Variants in NUDCD1 observed in about 807,000 individuals in gnomAD.
NUDCD1 encodes the protein NudC domain containing 1, also known as nudC domain-containing protein 1.
A neutral mutation model predicts 67.8 loss-of-function variants in NUDCD1; 60 were observed. The ratio of observed to expected loss-of-function variants is 0.88; its 90% CI spans 0.72 to 1.10. NUDCD1 has a LOEUF of 1.10. NUDCD1 is among the 50% of genes least tolerant of loss of function. NUDCD1 has a pLI of 0.00. For synonymous variants in NUDCD1, 244 were observed against 230.8 expected (o/e 1.06, Z -0.52); for missense variants, 643 against 695.0 (o/e 0.93, Z 0.84).
At chr8:109,282,164 G>C (rs1814458603) in intron 5 of NUDCD1, among the ~76,000 whole-genome samples, 1 of 152,142 alleles carries the variant, frequency 6.6e-6, no homozygotes, top group Non-Finnish European at 1.5e-5. Context: ...GTCTCGTCCT[G>C]CCCATCTTGG....
At chr8:109,243,622 A>G (rs1365333902) in intron 9 of NUDCD1, among the ~76,000 whole-genome samples, 2 of 152,146 alleles carry the variant, frequency 1.3e-5, no homozygotes, top group African/African-American at 4.8e-5. Flanking sequence ...CACTCAATAC[A>G]TGACAAAATA....
chr8:109,312,164 T>A (rs1815269968), intron 2 of NUDCD1, among the ~76,000 whole-genome samples: 1 of 151,894 alleles, frequency 6.6e-6, no homozygotes, highest in Non-Finnish European at 1.5e-5. Context: ...TAGACAGGTG[T>A]GGTGGCAGGC....
rs538340808 is a variant in NUDCD1 at position 109,307,070 on chromosome 8, C to T, written c.274-10501G>A. ...TGAGCCCAAGTTAAGCCATCATATC[C>T]CCTGTGACCTGCATGTATACATCCA... is the stretch of plus-strand genomic sequence containing the variant. On this transcript the variant is annotated intron_variant, in intron 2 of 9. Coordinates refer to ENST00000239690, the MANE Select transcript of NUDCD1 (RefSeq NM_032869.4). Among the ~76,000 whole-genome samples, 99 of 152,192 alleles carry T rather than the reference C, an allele frequency of 6.5e-4. 1 individual carries two copies. Among genetic ancestry groups the T allele is most frequent in the Middle Eastern group, 3.4e-3 (1 of 294 alleles).
In NUDCD1 at chr8:109,296,355, C is replaced by T. The variant is rs201509832; in HGVS notation, c.459+29G>A. On this transcript the variant is annotated intron_variant, in intron 3 of 9. Transcript: ENST00000239690. ...GTGTAATTTACATATACTTTCTGGA[C>T]TTCGCATAAGTCTTAAACAAACCCT... The T allele has an allele frequency of 8.9e-6, 14 of 1,581,018 alleles. No individual in the cohort carries two copies. In the East Asian group the frequency reaches 2.9e-4, roughly 33 times the overall value.
intron 2 of NUDCD1, among the ~76,000 whole-genome samples, chr8:109,300,369 A>T (rs1304464834): frequency 6.6e-6 from 1 of 152,140 alleles, no homozygotes; most frequent in African/African-American, 2.4e-5. Context: ...AAGAAGTGAA[A>T]GGGGAAATAT....
intron 2 of NUDCD1, among the ~76,000 whole-genome samples, chr8:109,299,147 G>A (rs1269015353): frequency 6.6e-6 from 1 of 152,174 alleles, no homozygotes; most frequent in Middle Eastern, 3.2e-3. Flanking sequence ...GTCCTCACAG[G>A]GGTCCTTCGG....
intron 2 of NUDCD1, among the ~76,000 whole-genome samples, chr8:109,308,920 C>T (rs187298454): frequency 2.7e-5 from 4 of 150,030 alleles, no homozygotes; most frequent in East Asian, 2.0e-4. Context: ...TGCAGTGAGC[C>T]GAGATCGTGC....
intron 2 of NUDCD1, chr8:109,313,724 A>T: frequency 2.1e-6 from 1 of 468,784 alleles, no homozygotes; most frequent in Non-Finnish European, 4.1e-6. Context: ...GAACGTAGAG[A>T]TAAACTTGTT....
chr8:109,331,742 T>A (rs574344330), intron 1 of NUDCD1, among the ~76,000 whole-genome samples: 7 of 152,118 alleles, frequency 4.6e-5, no homozygotes, highest in Non-Finnish European at 7.4e-5. Flanking sequence ...GATAGATGAG[T>A]AAATGATAGT....
At chr8:109,299,804 A>T (rs968381928) in intron 2 of NUDCD1, among the ~76,000 whole-genome samples, 1 of 152,124 alleles carries the variant, frequency 6.6e-6, no homozygotes, top group African/African-American at 2.4e-5. Flanking sequence ...CCAGCACAAA[A>T]ATAGCGCATT....
intron 3 of NUDCD1, 76 bp downstream of exon 3, chr8:109,296,308 G>A: frequency 8.7e-7 from 1 of 1,149,728 alleles, no homozygotes; most frequent in Admixed American, 2.0e-5. Flanking sequence ...TCCTTGAAAA[G>A]TGTCATTTTA....
rs193194781 is a variant in NUDCD1 at position 109,287,688 on chromosome 8, C to T, written c.823+2063G>A. 1.3e-3 allele frequency among the ~76,000 whole-genome samples: 193 copies of T among 152,176 alleles called. 1 individual carries two copies. Among genetic ancestry groups the T allele is most frequent in the African/African-American group, 4.5e-3 (186 of 41,532 alleles). Reference sequence around the variant, plus strand: ...TAACTGTTGGGTGCTATGCTCAGTACCTGGGTGACAGGATCATTCGTACTC... The same window carrying T: ...TAACTGTTGGGTGCTATGCTCAGTATCTGGGTGACAGGATCATTCGTACTC... On this transcript the variant is annotated intron_variant, in intron 5 of 9. Transcript: ENST00000239690.
At position 109,276,162 on chromosome 8, in the gene NUDCD1, T is replaced by C. The variant is rs567595043; in HGVS notation, c.1029-666A>G. Among the ~76,000 whole-genome samples the C allele has an allele frequency of 6.7e-4, 102 of 152,324 alleles. 1 individual carries two copies. The highest frequency in any genetic ancestry group is 3.4e-3 in the Middle Eastern group (1 of 294). On this transcript the variant is annotated intron_variant, in intron 6 of 9. Transcript: ENST00000239690. ...ATGTAAACAACTAAACAATTCCAGA[T>C]GCACTTAAAATGGTCTGTCAGGGAA... is the stretch of plus-strand genomic sequence containing the variant.
chr8:109,322,518 C>G (rs1815566868), intron 1 of NUDCD1, 55 bp from the exon 2 acceptor site: 2 of 1,431,960 alleles, frequency 1.4e-6, no homozygotes, highest in Non-Finnish European at 9.6e-7. Context: ...CAGATAGTTT[C>G]TATCTGTAGA....
chr8:109,323,132 G>A (rs1815581512), intron 1 of NUDCD1, among the ~76,000 whole-genome samples: 3 of 152,118 alleles, frequency 2.0e-5, no homozygotes, highest in Admixed American at 2.0e-4. Context: ...GCCCTTTCAT[G>A]AAGATGGAAA....
chr8:109,320,183 G>T (rs551880572), intron 2 of NUDCD1, among the ~76,000 whole-genome samples: 1 of 152,290 alleles, frequency 6.6e-6, no homozygotes, highest in South Asian at 2.1e-4. Flanking sequence ...AGGGTTTTGA[G>T]ATCAACCGGT....
chr8:109,326,876 C>T (rs2130147139), intron 1 of NUDCD1, among the ~76,000 whole-genome samples: 1 of 152,186 alleles, frequency 6.6e-6, no homozygotes, highest in East Asian at 1.9e-4. Flanking sequence ...AGACCTGTCT[C>T]CTGCACTAAT....
chr8:109,289,241 C>T (rs968159918), intron 5 of NUDCD1, among the ~76,000 whole-genome samples: 1 of 152,066 alleles, frequency 6.6e-6, no homozygotes, highest in South Asian at 2.1e-4. Context: ...TCCCAAAGTG[C>T]TGGGATTACA....
intron 2 of NUDCD1, among the ~76,000 whole-genome samples, chr8:109,320,190 C>G (rs571756514): frequency 6.6e-6 from 1 of 152,110 alleles, no homozygotes; most frequent in Non-Finnish European, 1.5e-5. Flanking sequence ...TGAGATCAAC[C>G]GGTCTGACCA....
Sources: gnomAD v4.1 joint callset for allele counts (sites outside exome capture counted in the v4.1 genomes callset) on GRCh38, gnomAD v4.1.1 for gene constraint, MANE v1.5 for transcripts, NCBI Gene and HGNC (gene_info 2026-07-23, HGNC 2026-07-21) for gene names.